Variants in MACROD2 observed in about 807,000 individuals in gnomAD.
MACROD2 encodes ADP-ribose glycohydrolase MACROD2.
MACROD2 carries 36 observed loss-of-function variants against 70.4 expected under a neutral mutation model. That is an observed-to-expected ratio of 0.51 (90% CI 0.39 to 0.68). MACROD2 has a LOEUF of 0.68. Ranked by LOEUF, MACROD2 falls within the 30% of genes least tolerant of loss-of-function variation. The probability of loss-of-function intolerance (pLI) is 0.00; values close to 1 mark genes in which losing one functional copy is unlikely to be tolerated. For synonymous variants in MACROD2, 172 were observed against 178.8 expected, an observed-to-expected ratio of 0.96 and a Z score of 0.30; for missense variants, 496 against 538.4, an observed-to-expected ratio of 0.92 and a Z score of 0.78.
intron 6 of MACROD2, among the ~76,000 whole-genome samples, chr20:15,254,426 G>A (rs4580449): frequency 0.11 from 16,779 of 152,076 alleles, 1,196 homozygotes; most frequent in African/African-American, 0.19. Context: ...TTAGCAGCAC[G>A]GGGGGAAAGA....
At chr20:15,489,468 A>G (rs1422021806) in intron 7 of MACROD2, among the ~76,000 whole-genome samples, 1 of 152,196 alleles carries the variant, frequency 6.6e-6, no homozygotes, top group South Asian at 2.1e-4. Flanking sequence ...TAAATGTTCA[A>G]GTGTAATTGA....
At chr20:14,872,542 A>C (rs2073500811) in intron 5 of MACROD2, among the ~76,000 whole-genome samples, 1 of 152,098 alleles carries the variant, frequency 6.6e-6, no homozygotes, top group South Asian at 2.1e-4. Flanking sequence ...TAGTGGTATG[A>C]ATAGCTTTTG....
chr20:14,474,098 A>T (rs560210348), intron 3 of MACROD2, among the ~76,000 whole-genome samples: 121 of 151,470 alleles, frequency 8.0e-4, no homozygotes, highest in African/African-American at 2.8e-3. Context: ...GCTGGCAAAT[A>T]TTTTTTTTCC....
At chr20:15,584,125 T>C (rs1189146663) in intron 8 of MACROD2, among the ~76,000 whole-genome samples, 1 of 152,254 alleles carries the variant, frequency 6.6e-6, no homozygotes, top group Non-Finnish European at 1.5e-5. Context: ...TTCCTCTAAG[T>C]GTCCCCTGCA....
intron 3 of MACROD2, among the ~76,000 whole-genome samples, chr20:14,298,824 G>A (rs866426507): frequency 2.0e-5 from 3 of 152,254 alleles, no homozygotes; most frequent in Non-Finnish European, 1.5e-5. Context: ...TGAAGATATG[G>A]TGGAAATAGC....
At chr20:16,025,582 G>A (rs2067067198) in intron 15 of MACROD2, among the ~76,000 whole-genome samples, 1 of 151,270 alleles carries the variant, frequency 6.6e-6, no homozygotes, top group Non-Finnish European at 1.5e-5. Flanking sequence ...TGGAGCTGGT[G>A]CTTTGATATG....
At chr20:14,855,597 GTTTTT>G (rs71190156) in intron 5 of MACROD2, among the ~76,000 whole-genome samples, 1,903 of 77,154 alleles carry the variant, frequency 0.025, 61 homozygotes, top group African/African-American at 0.096. Flanking sequence ...ATCCTACCAA[GTTTTT>G]TTTTTTTTTT....
intron 2 of MACROD2, among the ~76,000 whole-genome samples, chr20:14,044,740 C>T (rs976163194): frequency 6.6e-6 from 1 of 152,202 alleles, no homozygotes; most frequent in Non-Finnish European, 1.5e-5. Context: ...AAGTCACCAC[C>T]AGACTCAGGA....
chr20:15,601,195 G>C (rs2048814855), intron 8 of MACROD2, among the ~76,000 whole-genome samples: 1 of 152,140 alleles, frequency 6.6e-6, no homozygotes, highest in African/African-American at 2.4e-5. Flanking sequence ...GGTTCCAGTT[G>C]TCAGCCCCCC....
At chr20:15,238,090 G>C (rs916329319) in intron 6 of MACROD2, among the ~76,000 whole-genome samples, 1 of 152,112 alleles carries the variant, frequency 6.6e-6, no homozygotes, top group Non-Finnish European at 1.5e-5. Flanking sequence ...GTTATAAAAG[G>C]GTTTGCTGAG....
chr20:15,111,621 T>G (rs1382933201), intron 5 of MACROD2, among the ~76,000 whole-genome samples: 1 of 152,242 alleles, frequency 6.6e-6, no homozygotes, highest in Non-Finnish European at 1.5e-5. Flanking sequence ...ATATGTTTGG[T>G]CCTTTCCAGG....
At chr20:15,095,098 A>T (rs1035288382) in intron 5 of MACROD2, among the ~76,000 whole-genome samples, 7 of 107,696 alleles carry the variant, frequency 6.5e-5, no homozygotes, top group Non-Finnish European at 1.1e-4. Context: ...TTTTTTTTAG[A>T]CAGAGTCTCG....
intron 5 of MACROD2, among the ~76,000 whole-genome samples, chr20:14,694,566 A>G (rs6110392): frequency 0.017 from 2,581 of 152,308 alleles, 75 homozygotes; most frequent in African/African-American, 0.058. Context: ...CTTATCTCAT[A>G]TGGTACCTTA....
intron 5 of MACROD2, among the ~76,000 whole-genome samples, chr20:14,824,117 G>T (rs1350328033): frequency 6.6e-6 from 1 of 151,986 alleles, no homozygotes; most frequent in African/African-American, 2.4e-5. Context: ...TCATATGTCT[G>T]GTGACTTTAT....
chr20:14,573,242 A>G (rs1393959696), intron 4 of MACROD2, among the ~76,000 whole-genome samples: 1 of 152,094 alleles, frequency 6.6e-6, no homozygotes, highest in Non-Finnish European at 1.5e-5. Flanking sequence ...AATACCTAAG[A>G]CTTTATAGGT....
intron 6 of MACROD2, among the ~76,000 whole-genome samples, chr20:15,424,939 A>C (rs2046278222): frequency 6.6e-6 from 1 of 152,192 alleles, no homozygotes. Flanking sequence ...CTTGACTTTC[A>C]GCTAACCAAC....
chr20:14,599,125 G>A (rs1360109149), intron 4 of MACROD2, among the ~76,000 whole-genome samples: 5 of 152,142 alleles, frequency 3.3e-5, no homozygotes, highest in South Asian at 4.2e-4. Context: ...AGTTATAAAT[G>A]TATATATTAA....
At chr20:15,541,389 G>T (rs1296079355) in intron 8 of MACROD2, among the ~76,000 whole-genome samples, 2 of 152,062 alleles carry the variant, frequency 1.3e-5, no homozygotes, top group East Asian at 3.9e-4. Flanking sequence ...AGAAGGAAAG[G>T]GCCAAGTAGA....
At chr20:14,622,294 G>A (rs1287747498) in intron 4 of MACROD2, among the ~76,000 whole-genome samples, 2 of 151,998 alleles carry the variant, frequency 1.3e-5, no homozygotes, top group Non-Finnish European at 2.9e-5. Context: ...CGTTAAGTAG[G>A]TCAAGGGGTA....
Sources: gnomAD v4.1 joint callset for allele counts (sites outside exome capture counted in the v4.1 genomes callset) on GRCh38, gnomAD v4.1.1 for gene constraint, MANE v1.5 for transcripts, NCBI Gene and HGNC (gene_info 2026-07-23, HGNC 2026-07-21) for gene names.